Variants in PCDHGA2 observed in about 807,000 individuals in gnomAD.
PCDHGA2 encodes the protein protocadherin gamma-A2.
In PCDHGA2, 40 loss-of-function variants were observed where a neutral mutation model predicts 59.2. The ratio of observed to expected loss-of-function variants is 0.68; its 90% CI spans 0.52 to 0.88. The LOEUF (loss-of-function observed/expected upper bound fraction) is 0.88. PCDHGA2 is among the 40% of genes least tolerant of loss of function. The pLI is 0.00. For synonymous variants in PCDHGA2, 560 were observed against 526.0 expected, an observed-to-expected ratio of 1.06 and a Z score of -0.89; for missense variants, 1,226 against 1,204.0, an observed-to-expected ratio of 1.02 and a Z score of -0.27.
intron 3 of PCDHGA2, among the ~76,000 whole-genome samples, chr5:141,509,583 A>G (rs1008344833): frequency 7.2e-5 from 11 of 152,320 alleles, no homozygotes; most frequent in African/African-American, 2.4e-4. Flanking sequence ...CGTACAAATC[A>G]GCTGGCAATT....
In PCDHGA2 at chr5:141,477,787, C is replaced by A; in HGVS notation, c.2425-17020C>A. The stretch of plus-strand genomic sequence containing the variant: ...CCAACATCAGCGTGAACATATTTGT[C>A]ACTGATCGCAATGACAATGCCCCCC... On this transcript the variant is annotated intron_variant, in intron 1 of 3. Transcript: ENST00000394576. The surrounding 1 kb of genome is among the most constrained non-coding windows in gnomAD (Gnocchi z 4.9). The A allele has an allele frequency of 6.2e-7, 1 of 1,614,092 alleles. No homozygotes were observed. The highest frequency in any genetic ancestry group is 8.5e-7 in the Non-Finnish European group (1 of 1,180,034).
intron 1 of PCDHGA2, among the ~76,000 whole-genome samples, chr5:141,401,115 G>C (rs923480761): frequency 5.9e-5 from 9 of 151,974 alleles, no homozygotes; most frequent in African/African-American, 1.7e-4. Context: ...AGGCCGAGGC[G>C]GTTGGATCAC....
chr5:141,411,568 AG>A (rs2095500132), intron 1 of PCDHGA2: 1 of 152,232 alleles, frequency 6.6e-6, no homozygotes, highest in South Asian at 2.1e-4. Context: ...TGGGCGACAG[AG>A]TGCGACCCTG....
At chr5:141,361,473 C>T (rs374176708) in intron 1 of PCDHGA2, 2 of 1,614,024 alleles carry the variant, frequency 1.2e-6, no homozygotes, top group Admixed American at 1.7e-5. Flanking sequence ...CCGACGTCAA[C>T]GATAATGCCC....
Position 141,437,685 on chromosome 5 carries a change from G to A in PCDHGA2, c.2425-57122G>A, listed in dbSNP as rs116699614. ...GAAGAGATGTTGATCAAACTGATGA[G>A]GCTAAATCTCAAGAAAGAGACACAG... On this transcript the variant is annotated intron_variant, in intron 1 of 3. Coordinates refer to ENST00000394576, the MANE Select transcript of PCDHGA2 (RefSeq NM_018915.4). Among the ~76,000 whole-genome samples the A allele has an allele frequency of 1.0e-2, 1,519 of 151,976 alleles. 34 individuals carry two copies. The highest frequency in any genetic ancestry group is 0.034 in the African/African-American group (1,425 of 41,440).
At position 141,357,578 on chromosome 5, in the gene PCDHGA2, T is replaced by G. The variant is rs1343240769; in HGVS notation, c.2424+16183T>G. 11 of 1,614,084 alleles carry G rather than the reference T, an allele frequency of 6.8e-6. No individual in the cohort carries two copies. The highest frequency in any genetic ancestry group is 8.5e-6 in the Non-Finnish European group (10 of 1,180,040). On this transcript the variant is annotated intron_variant, in intron 1 of 3. Transcript: ENST00000394576. ...TGTGAGAAAAGCGAGCCTCTTCTGATAACTCAGGATTTACTTGAAACAAAA... is the reference window on the plus strand; with the variant it reads ...TGTGAGAAAAGCGAGCCTCTTCTGAGAACTCAGGATTTACTTGAAACAAAA...
chr5:141,346,930 T>C (rs1053008501), intron 1 of PCDHGA2, among the ~76,000 whole-genome samples: 2 of 152,258 alleles, frequency 1.3e-5, no homozygotes, highest in Admixed American at 1.3e-4. Context: ...GAATAAAAGA[T>C]ATTTTATGCC....
Position 141,346,419 on chromosome 5 carries a change from G to T in PCDHGA2, c.2424+5024G>T. The T allele has an allele frequency of 1.9e-6, 3 of 1,614,222 alleles. No homozygotes were observed. In the East Asian group the frequency reaches 6.7e-5, roughly 36 times the overall value. On this transcript the variant is annotated intron_variant, in intron 1 of 3. Coordinates refer to ENST00000394576, the MANE Select transcript of PCDHGA2 (RefSeq NM_018915.4). ...AAGCGAGCCTCTTCTGATAACTCAG[G>T]ATTTACTTGAAATGAAAGGAGATTC...
At chr5:141,362,011 G>A (rs1294882056) in intron 1 of PCDHGA2, 7 of 1,606,172 alleles carry the variant, frequency 4.4e-6, no homozygotes, top group African/African-American at 1.3e-5. Context: ...CACGGGTGAG[G>A]TGCGCACAGC....
At chr5:141,365,650 G>T in intron 1 of PCDHGA2, 1 of 1,613,414 alleles carries the variant, frequency 6.2e-7, no homozygotes, top group South Asian at 1.1e-5. Context: ...ACATCCCCTT[G>T]AAAGTAGCAG....
At chr5:141,382,104 A>G (rs1777948509) in intron 1 of PCDHGA2, among the ~76,000 whole-genome samples, 1 of 152,108 alleles carries the variant, frequency 6.6e-6, no homozygotes, top group Non-Finnish European at 1.5e-5. Context: ...GTGGGATTAC[A>G]GGCGTGAGCA....
In PCDHGA2 at chr5:141,341,297, G is replaced by A. The variant is rs1045936400; in HGVS notation, c.2326G>A (p.Ala776Thr). 9 of 1,614,124 alleles carry A rather than the reference G, an allele frequency of 5.6e-6. No individual in the cohort carries two copies. In the African/African-American group the frequency reaches 1.1e-4, roughly 19 times the overall value. The change falls in exon 1 of 4, where the codon GCG (alanine) becomes ACG (threonine). Residue 776 changes from alanine to threonine, a missense_variant. Ala to Thr is a moderately conservative substitution (Grantham distance 58). Coordinates refer to ENST00000394576, the MANE Select transcript of PCDHGA2 (RefSeq NM_018915.4). ...SHLIFPQPNYADTLISQESCE... is the reference protein window; with the variant it reads ...SHLIFPQPNYTDTLISQESCE... ...CCTGATTTTCCCCCAGCCCAACTATGCGGACACGCTCATCAGCCAGGAGAG... is the reference window on the plus strand; with the variant it reads ...CCTGATTTTCCCCCAGCCCAACTATACGGACACGCTCATCAGCCAGGAGAG...
intron 1 of PCDHGA2, chr5:141,414,886 C>T (rs374779316): frequency 1.4e-5 from 22 of 1,614,120 alleles, no homozygotes; most frequent in African/African-American, 2.7e-5. Context: ...GTACCCCGCC[C>T]TCCCCACAGA....
Position 141,487,399 on chromosome 5 carries a change from G to T in PCDHGA2, c.2425-7408G>T, listed in dbSNP as rs749826036. 6.2e-7 allele frequency: 1 copy of T among 1,614,140 alleles called. No individual in the cohort carries two copies. The highest frequency in any genetic ancestry group is 8.5e-7 in the Non-Finnish European group (1 of 1,180,014). ...TCACCAGATCTCGAAGGAGGGAGGG[G>T]CTTCCCCCTTCCAATGGGATCCTCC... On this transcript the variant is annotated intron_variant, in intron 1 of 3. Transcript: ENST00000394576. The surrounding 1 kb of genome is among the most constrained non-coding windows in gnomAD (Gnocchi z 5.0).
intron 1 of PCDHGA2, among the ~76,000 whole-genome samples, chr5:141,456,877 C>T (rs910777736): frequency 2.0e-5 from 3 of 152,202 alleles, no homozygotes; most frequent in South Asian, 2.1e-4. Context: ...GCAGGAGAAT[C>T]GCTTGAACCC....
intron 1 of PCDHGA2, chr5:141,389,575 C>T: frequency 1.2e-6 from 2 of 1,613,242 alleles, no homozygotes; most frequent in African/African-American, 1.3e-5. Context: ...CTGTACCCCG[C>T]GCTGGGTCCC....
intron 1 of PCDHGA2, chr5:141,372,959 A>T: frequency 1.4e-6 from 1 of 715,196 alleles, no homozygotes; most frequent in Non-Finnish European, 2.2e-6. Context: ...AATTCTTTGT[A>T]GAATTTCCTG....
chr5:141,476,725 C>G lies in PCDHGA2; in HGVS notation c.2425-18082C>G. On this transcript the variant is annotated intron_variant, in intron 1 of 3. Coordinates refer to ENST00000394576, the MANE Select transcript of PCDHGA2 (RefSeq NM_018915.4). This position sits in a 1 kb window ranked among gnomAD's most constrained non-coding sequence, Gnocchi z 7.6. ...AGCTGGTGTTGGAGCGCGCCCTGGA[C>G]CGAGAACGGGAGCCTAGTCTCCAGT... The G allele has an allele frequency of 6.2e-7, 1 of 1,614,132 alleles. No homozygotes were observed. Among genetic ancestry groups the G allele is most frequent in the Non-Finnish European group, 8.5e-7 (1 of 1,180,038 alleles).
intron 1 of PCDHGA2, chr5:141,374,746 C>T (rs1242744421): frequency 2.5e-6 from 4 of 1,612,108 alleles, no homozygotes; most frequent in East Asian, 4.5e-5. Context: ...GCGACCCTGT[C>T]CGCTCAAGCG....
Sources: allele counts gnomAD v4.1 joint callset (sites outside exome capture counted in the v4.1 genomes callset), GRCh38; gene constraint gnomAD v4.1.1; non-coding constraint Gnocchi (gnomAD v3.1); transcripts MANE v1.5; gene names NCBI Gene and HGNC (gene_info 2026-07-23, HGNC 2026-07-21).